Variants in CHRM3 observed in about 807,000 individuals in gnomAD.
CHRM3 encodes muscarinic acetylcholine receptor M3.
Under a neutral mutation model 41.8 loss-of-function variants are expected in CHRM3, and 11 were observed. The ratio of observed to expected loss-of-function variants is 0.26; its 90% CI spans 0.17 to 0.44. The LOEUF is 0.44. Ranked by LOEUF, CHRM3 falls within the 20% of genes least tolerant of loss-of-function variation. CHRM3 has a pLI of 1.00. For synonymous variants in CHRM3, 297 were observed against 301.4 expected, an observed-to-expected ratio of 0.99 and a Z score of 0.15; for missense variants, 571 against 745.4, an observed-to-expected ratio of 0.77 and a Z score of 2.72.
intron 4 of CHRM3, among the ~76,000 whole-genome samples, chr1:239,670,316 T>G (rs1317873635): frequency 1.3e-5 from 2 of 152,148 alleles, no homozygotes; most frequent in Non-Finnish European, 2.9e-5. Context: ...CTCTATTTCT[T>G]TTTTCTAGAG....
intron 3 of CHRM3, among the ~76,000 whole-genome samples, chr1:239,596,843 A>G (rs1664836492): frequency 6.6e-6 from 1 of 152,180 alleles, no homozygotes; most frequent in Non-Finnish European, 1.5e-5. Context: ...GCACATATAT[A>G]TAATCTTTTA....
intron 1 of CHRM3, among the ~76,000 whole-genome samples, chr1:239,400,755 C>A (rs763614412): frequency 5.5e-4 from 84 of 152,122 alleles, no homozygotes; most frequent in Admixed American, 1.6e-3. Context: ...GATCAGTTGA[C>A]CGTAAATACA....
intron 4 of CHRM3, among the ~76,000 whole-genome samples, chr1:239,634,248 C>G (rs1670192596): frequency 6.6e-6 from 1 of 152,096 alleles, no homozygotes; most frequent in South Asian, 2.1e-4. Context: ...ATACAATACT[C>G]TTCAATAGCA....
intron 5 of CHRM3, among the ~76,000 whole-genome samples, chr1:239,725,801 G>A (rs545335618): frequency 6.6e-6 from 1 of 151,878 alleles, no homozygotes; most frequent in African/African-American, 2.4e-5. Flanking sequence ...GGTAGCTTTG[G>A]GTAAAAATAA....
chr1:239,815,793 C>T lies in CHRM3; in HGVS notation c.-146-11459C>T, dbSNP rs78238353. Among the ~76,000 whole-genome samples, 1,224 of 152,266 alleles carry T rather than the reference C, an allele frequency of 8.0e-3. 17 individuals are homozygous for T. The highest frequency in any genetic ancestry group is 0.028 in the African/African-American group (1,178 of 41,538). On this transcript the variant is annotated intron_variant, in intron 5 of 6. Coordinates refer to ENST00000676153, the MANE Select transcript of CHRM3 (RefSeq NM_001375978.1). ...GGGACCTGTATTTGATCTTGGAGCA[C>T]ATGGTGCCTCGGTCTGAGGCTACAT...
chr1:239,763,054 G>A (rs915217445), intron 5 of CHRM3, among the ~76,000 whole-genome samples: 18 of 152,094 alleles, frequency 1.2e-4, no homozygotes, highest in Non-Finnish European at 1.0e-4. Flanking sequence ...TAAGAAGAAC[G>A]CTATTAAAAT....
chr1:239,755,513 T>A (rs1666169686), intron 5 of CHRM3, among the ~76,000 whole-genome samples: 1 of 152,126 alleles, frequency 6.6e-6, no homozygotes, highest in African/African-American at 2.4e-5. Flanking sequence ...CAACAGAAAA[T>A]GAACAGCCAG....
chr1:239,743,788 CTTTTTTTTTT>C (rs10718514), intron 5 of CHRM3, among the ~76,000 whole-genome samples: 2 of 81,184 alleles, frequency 2.5e-5, no homozygotes, highest in South Asian at 5.5e-4. Context: ...TTTTTTTTTT[CTTTTTTTTTT>C]TTTTTTTTTT....
At chr1:239,480,759 C>T (rs1204713626) in intron 1 of CHRM3, among the ~76,000 whole-genome samples, 3 of 151,762 alleles carry the variant, frequency 2.0e-5, no homozygotes, top group African/African-American at 4.8e-5. Context: ...AGAGTTTTAC[C>T]GTGTTAGCCA....
chr1:239,805,764 G>A (rs1202943413), intron 5 of CHRM3, among the ~76,000 whole-genome samples: 1 of 152,046 alleles, frequency 6.6e-6, no homozygotes, highest in Non-Finnish European at 1.5e-5. Flanking sequence ...AGAGCTAAAT[G>A]AACCAGTGTA....
chr1:239,541,564 T>C (rs2148391653), intron 2 of CHRM3, among the ~76,000 whole-genome samples: 1 of 152,250 alleles, frequency 6.6e-6, no homozygotes, highest in South Asian at 2.1e-4. Context: ...CAGGCTGGAG[T>C]GCAGTGGCGT....
At chr1:239,596,614 AAT>A (rs1664809039) in intron 3 of CHRM3, among the ~76,000 whole-genome samples, 1 of 152,180 alleles carries the variant, frequency 6.6e-6, no homozygotes, top group African/African-American at 2.4e-5. Context: ...AATTTTAATT[AAT>A]AAATTAATTG....
At chr1:239,586,244 TTGTTTA>T (rs1303635165) in intron 3 of CHRM3, among the ~76,000 whole-genome samples, 9 of 152,020 alleles carry the variant, frequency 5.9e-5, no homozygotes, top group Admixed American at 5.9e-4. Context: ...TTTTTGTTTT[TTGTTTA>T]TTTTTATTTT....
chr1:239,858,464 A>G (rs1478247997), intron 6 of CHRM3, among the ~76,000 whole-genome samples: 1 of 150,252 alleles, frequency 6.7e-6, no homozygotes, highest in African/African-American at 2.4e-5. Flanking sequence ...TCCTCTAACT[A>G]CCTGTGAAAC....
intron 3 of CHRM3, among the ~76,000 whole-genome samples, chr1:239,596,356 T>G (rs1400832636): frequency 1.3e-5 from 2 of 152,132 alleles, no homozygotes; most frequent in Non-Finnish European, 2.9e-5. Context: ...ATTTAATTTT[T>G]TTTTAAGTGG....
At chr1:239,656,283 C>T (rs757555732) in intron 4 of CHRM3, among the ~76,000 whole-genome samples, 71 of 151,552 alleles carry the variant, frequency 4.7e-4, no homozygotes, top group South Asian at 6.2e-4. Context: ...TAAACTTGTA[C>T]GTGTACCCCC....
At chr1:239,507,953 A>G (rs1668681780) in intron 2 of CHRM3, among the ~76,000 whole-genome samples, 1 of 152,200 alleles carries the variant, frequency 6.6e-6, no homozygotes, top group Non-Finnish European at 1.5e-5. Context: ...TATAGGACTG[A>G]TTAGAATACA....
intron 2 of CHRM3, among the ~76,000 whole-genome samples, chr1:239,542,208 A>G (rs1035780514): frequency 1.3e-5 from 2 of 152,180 alleles, no homozygotes; most frequent in South Asian, 4.1e-4. Context: ...TTATTATATT[A>G]TATACATTAT....
At chr1:239,775,725 A>G (rs1479179079) in intron 5 of CHRM3, among the ~76,000 whole-genome samples, 1 of 152,212 alleles carries the variant, frequency 6.6e-6, no homozygotes, top group African/African-American at 2.4e-5. Flanking sequence ...AATGTGGCAT[A>G]TTGCACCAGT....
Sources: allele counts gnomAD v4.1 joint callset (sites outside exome capture counted in the v4.1 genomes callset), GRCh38; gene constraint gnomAD v4.1.1; transcripts MANE v1.5; gene names NCBI Gene and HGNC (gene_info 2026-07-23, HGNC 2026-07-21).